Variants in ADAMTS3 observed in about 807,000 individuals in gnomAD.
The protein encoded by ADAMTS3 is A disintegrin and metalloproteinase with thrombospondin motifs 3.
Under a neutral mutation model 129.0 loss-of-function variants are expected in ADAMTS3, and 73 were observed. That is an observed-to-expected ratio of 0.57 (90% confidence interval 0.47 to 0.69). The LOEUF (loss-of-function observed/expected upper bound fraction) is 0.69, where lower values mean the gene tolerates loss of function less well. Ranked by LOEUF, ADAMTS3 falls within the 30% of genes least tolerant of loss-of-function variation. The pLI is 0.00. For missense variants in ADAMTS3, 1,457 were observed against 1,514.5 expected (o/e 0.96, Z 0.63); for synonymous variants, 477 against 510.8 (o/e 0.93, Z 0.89).
At chr4:72,396,632 C>T (rs1003827260) in intron 4 of ADAMTS3, among the ~76,000 whole-genome samples, 9 of 152,164 alleles carry the variant, frequency 5.9e-5, no homozygotes, top group African/African-American at 1.7e-4. Flanking sequence ...GAGCAGGCAT[C>T]ATATGCTCTC....
chr4:72,363,501 C>T (rs114587122), intron 4 of ADAMTS3, among the ~76,000 whole-genome samples: 2,128 of 152,104 alleles, frequency 0.014, 59 homozygotes, highest in African/African-American at 0.047. Context: ...AATCAACATC[C>T]CAGTGAAATT....
At chr4:72,374,849 T>A (rs1460257419) in intron 4 of ADAMTS3, among the ~76,000 whole-genome samples, 1 of 152,204 alleles carries the variant, frequency 6.6e-6, no homozygotes, top group East Asian at 1.9e-4. Flanking sequence ...GTGACTATAA[T>A]CATTTAAAAT....
At chr4:72,288,959 CACACA>C (rs1718588212) in intron 20 of ADAMTS3, 91 bp from the exon 21 acceptor site, 2 of 769,216 alleles carry the variant, frequency 2.6e-6, no homozygotes, top group African/African-American at 3.4e-5. Context: ...CACACACACA[CACACA>C]CACAAAGACA....
intron 19 of ADAMTS3, among the ~76,000 whole-genome samples, chr4:72,295,359 C>A (rs1336261206): frequency 6.6e-6 from 1 of 151,788 alleles, no homozygotes; most frequent in East Asian, 1.9e-4. Flanking sequence ...TAATGTCTAA[C>A]CCACCTCCCA....
intron 3 of ADAMTS3, among the ~76,000 whole-genome samples, chr4:72,482,128 A>G (rs894673950): frequency 6.6e-6 from 1 of 152,066 alleles, no homozygotes; most frequent in African/African-American, 2.4e-5. Flanking sequence ...CAATTATCAT[A>G]CAATCCAGAA....
intron 3 of ADAMTS3, among the ~76,000 whole-genome samples, chr4:72,487,832 C>T (rs957961953): frequency 2.0e-5 from 3 of 151,974 alleles, no homozygotes; most frequent in Non-Finnish European, 2.9e-5. Context: ...CTCTACACTG[C>T]TAGAAGAGTT....
At chr4:72,489,249 AGATAG>A (rs1344902977) in intron 3 of ADAMTS3, among the ~76,000 whole-genome samples, 2 of 151,954 alleles carry the variant, frequency 1.3e-5, no homozygotes, top group Non-Finnish European at 2.9e-5. Flanking sequence ...CATCTCTCTG[AGATAG>A]TGATTTTTCT....
intron 3 of ADAMTS3, among the ~76,000 whole-genome samples, chr4:72,511,386 A>G (rs538934341): frequency 6.6e-6 from 1 of 152,306 alleles, no homozygotes; most frequent in Non-Finnish European, 1.5e-5. Flanking sequence ...AATAACTAGA[A>G]TATATGAGGA....
At chr4:72,342,414 A>G (rs1241764219) in intron 4 of ADAMTS3, among the ~76,000 whole-genome samples, 1 of 139,858 alleles carries the variant, frequency 7.2e-6, no homozygotes. Flanking sequence ...CCCAGGCTGG[A>G]GTGCAGTGGT....
intron 11 of ADAMTS3, among the ~76,000 whole-genome samples, chr4:72,315,145 G>C (rs1418113757): frequency 2.6e-5 from 4 of 152,152 alleles, no homozygotes; most frequent in Admixed American, 1.3e-4. Context: ...CTTTCACAAG[G>C]AATGGCATGC....
chr4:72,316,104 A>T, intron 10 of ADAMTS3, 133 bp from the exon 11 acceptor site: 1 of 442,080 alleles, frequency 2.3e-6, no homozygotes, highest in Non-Finnish European at 4.0e-6. Context: ...ATGTTTTGAC[A>T]TGTTGAAAAA....
chr4:72,492,033 A>T (rs1362025432), intron 3 of ADAMTS3, among the ~76,000 whole-genome samples: 21 of 151,674 alleles, frequency 1.4e-4, no homozygotes, highest in Admixed American at 2.6e-4. Context: ...CATTTCTTTT[A>T]TGTAATCTAG....
At chr4:72,521,717 C>A (rs1301024045) in intron 3 of ADAMTS3, among the ~76,000 whole-genome samples, 1 of 152,060 alleles carries the variant, frequency 6.6e-6, no homozygotes, top group Non-Finnish European at 1.5e-5. Context: ...TAAATTCTGT[C>A]TTTGTCAATA....
intron 3 of ADAMTS3, among the ~76,000 whole-genome samples, chr4:72,434,047 G>C (rs916722411): frequency 6.6e-6 from 1 of 151,580 alleles, no homozygotes; most frequent in Non-Finnish European, 1.5e-5. Flanking sequence ...AAATATAAAT[G>C]GCAAGTCCCA....
chr4:72,390,983 T>G (rs1721578637), intron 4 of ADAMTS3, among the ~76,000 whole-genome samples: 1 of 151,960 alleles, frequency 6.6e-6, no homozygotes, highest in African/African-American at 2.4e-5. Context: ...TACTATGAGC[T>G]AACAACCCTA....
At chr4:72,307,090 A>T (rs965191772) in intron 15 of ADAMTS3, among the ~76,000 whole-genome samples, 32 of 152,004 alleles carry the variant, frequency 2.1e-4, no homozygotes, top group Non-Finnish European at 4.3e-4. Flanking sequence ...ATATTAACAG[A>T]AATCCAGTTA....
intron 4 of ADAMTS3, among the ~76,000 whole-genome samples, chr4:72,346,980 T>C (rs1720302847): frequency 6.6e-6 from 1 of 152,122 alleles, no homozygotes; most frequent in South Asian, 2.1e-4. Context: ...ATGGCTTAAA[T>C]TATGCTAATG....
At chr4:72,518,246 T>C (rs955477378) in intron 3 of ADAMTS3, among the ~76,000 whole-genome samples, 20 of 152,288 alleles carry the variant, frequency 1.3e-4, no homozygotes, top group Admixed American at 2.6e-4. Flanking sequence ...TGAGGAGACC[T>C]TTACTTCCAA....
At chr4:72,316,043 CAGTTTCTT>C in intron 10 of ADAMTS3, 72 bp from the exon 11 acceptor site, 2 of 851,946 alleles carry the variant, frequency 2.3e-6, no homozygotes, top group South Asian at 2.0e-5. Flanking sequence ...ATATTCTATA[CAGTTTCTT>C]CTGTCCTGTT....
Sources: gnomAD v4.1 joint callset for allele counts (sites outside exome capture counted in the v4.1 genomes callset) on GRCh38, gnomAD v4.1.1 for gene constraint, MANE v1.5 for transcripts, NCBI Gene and HGNC (gene_info 2026-07-23, HGNC 2026-07-21) for gene names.